KDM6A: variants seen among roughly 807,000 people sequenced by gnomAD.
KDM6A encodes lysine-specific demethylase 6A.
A neutral mutation model predicts 117.6 loss-of-function variants in KDM6A; 11 were observed. That is an observed-to-expected ratio of 0.09 (90% confidence interval 0.06 to 0.15). The LOEUF is 0.15. Ranked by LOEUF, KDM6A falls within the 10% of genes least tolerant of loss-of-function variation. The probability of loss-of-function intolerance (pLI) is 1.00; values close to 1 mark genes in which losing one functional copy is unlikely to be tolerated. For synonymous variants in KDM6A, 384 were observed against 396.1 expected, an observed-to-expected ratio of 0.97 and a Z score of 0.36; for missense variants, 799 against 1,077.3, an observed-to-expected ratio of 0.74 and a Z score of 3.62.
intron 2 of KDM6A, among the ~76,000 whole-genome samples, chrX:44,955,358 C>T (rs1371844088): frequency 9.0e-6 from 1 of 110,945 alleles, no homozygotes; most frequent in East Asian, 2.8e-4. Context: ...ATAAAGGAGA[C>T]AGGAACCAGT....
At chrX:45,057,055 T>A (rs2044102813) in intron 10 of KDM6A, among the ~76,000 whole-genome samples, 1 of 111,549 alleles carries the variant, frequency 9.0e-6, no homozygotes, top group Admixed American at 9.6e-5. Context: ...GGACATTTCT[T>A]ACATCTTTCA....
chrX:45,037,534 ATTAC>A (rs1489007868), intron 7 of KDM6A, 117 bp from the exon 8 acceptor site: 3 of 517,992 alleles, frequency 5.8e-6, no homozygotes, highest in East Asian at 3.5e-5. Flanking sequence ...ATGTTTTTCT[ATTAC>A]TTAAATCTAT....
chrX:45,014,740 G>A (rs1438127235), intron 5 of KDM6A, among the ~76,000 whole-genome samples: 1 of 111,973 alleles, frequency 8.9e-6, no homozygotes, highest in Non-Finnish European at 1.9e-5. Context: ...GATAAAGTCA[G>A]TACAATAGAA....
chrX:44,998,070 G>A (rs773264180), intron 4 of KDM6A, among the ~76,000 whole-genome samples: 31 of 111,717 alleles, frequency 2.8e-4, no homozygotes, highest in Non-Finnish European at 2.3e-4. Flanking sequence ...GAAAGTGCAT[G>A]TTTTGCACTT....
intron 4 of KDM6A, among the ~76,000 whole-genome samples, chrX:44,984,888 A>G (rs372786776): frequency 9.5e-4 from 106 of 111,385 alleles, no homozygotes; most frequent in African/African-American, 3.0e-3. Context: ...TTGACTTGGC[A>G]ACGCGGGCTC....
At chrX:45,081,380 T>C (rs1033200239) in intron 21 of KDM6A, among the ~76,000 whole-genome samples, 4 of 112,186 alleles carry the variant, frequency 3.6e-5, no homozygotes, top group African/African-American at 1.3e-4. Flanking sequence ...TTAACAGATA[T>C]CATGTCTGTG....
chrX:44,874,133 C>A (rs2031202133), intron 2 of KDM6A, 146 bp downstream of exon 2: 2 of 530,396 alleles, frequency 3.8e-6, no homozygotes, highest in Admixed American at 3.0e-5. Context: ...CTCTGCTCTC[C>A]CCCCACCCCC....
chrX:45,111,132 A>G (rs2046751627), intron 29 of KDM6A, among the ~76,000 whole-genome samples: 1 of 111,476 alleles, frequency 9.0e-6, no homozygotes, highest in Non-Finnish European at 1.9e-5. Flanking sequence ...TAACATTCCA[A>G]GAGTTTTTGA....
chrX:44,911,450 C>T (rs2035152770), intron 2 of KDM6A, among the ~76,000 whole-genome samples: 1 of 110,317 alleles, frequency 9.1e-6, no homozygotes, highest in South Asian at 3.9e-4. Flanking sequence ...CAGAGACGCT[C>T]CCCACATCTC....
chrX:44,998,350 A>G (rs2040966403), intron 4 of KDM6A, among the ~76,000 whole-genome samples: 1 of 111,651 alleles, frequency 9.0e-6, no homozygotes, highest in South Asian at 3.7e-4. Context: ...GAAAAGTAGG[A>G]CTACTGTTTG....
At chrX:44,922,243 C>T (rs1406304094) in intron 2 of KDM6A, among the ~76,000 whole-genome samples, 2 of 104,873 alleles carry the variant, frequency 1.9e-5, no homozygotes, top group African/African-American at 3.5e-5. Flanking sequence ...GGGGTTTCGC[C>T]GTGTTGCCCA....
chrX:44,919,944 G>T (rs1486398731), intron 2 of KDM6A, among the ~76,000 whole-genome samples: 1 of 111,947 alleles, frequency 8.9e-6, no homozygotes, highest in Non-Finnish European at 1.9e-5. Flanking sequence ...TGACTGGTGG[G>T]TTTTTTAGCA....
intron 18 of KDM6A, among the ~76,000 whole-genome samples, chrX:45,071,851 G>A (rs760068637): frequency 1.1e-4 from 12 of 110,277 alleles, no homozygotes; most frequent in Admixed American, 8.7e-4. Context: ...CTTACCGCAC[G>A]CTCTGCCTCC....
chrX:44,873,970 A>G lies in KDM6A; in HGVS notation c.208A>G (p.Lys70Glu). ...ATTTCATGAAGATGGCGCCAGGACG[A>G]AGGCCCTACTGGGCAAGGTAAGGCA... ...VRFHEDGART[K>E]ALLGKAVRCY... is the part of the protein sequence containing the mutation. Residue 70 changes from lysine to glutamate, a missense_variant, in exon 2 of 30, where the codon AAG becomes GAG. Lys to Glu is a moderately conservative substitution (Grantham distance 56). Around this residue, in one of 8 missense-constraint regions of KDM6A, gnomAD observed 89 missense variants for 117.8 expected, o/e 0.76. Coordinates refer to ENST00000611820, the MANE Select transcript of KDM6A (RefSeq NM_001291415.2). 1 of 1,211,119 alleles carries G rather than the reference A, an allele frequency of 8.3e-7. No individual in the cohort carries two copies. The highest frequency in any genetic ancestry group is 1.1e-6 in the Non-Finnish European group (1 of 894,720).
At chrX:45,000,155 G>C (rs1215017745) in intron 4 of KDM6A, among the ~76,000 whole-genome samples, 1 of 112,060 alleles carries the variant, frequency 8.9e-6, no homozygotes, top group African/African-American at 3.3e-5. Flanking sequence ...CTGGCTAGTT[G>C]CCCCTAGTTG....
intron 27 of KDM6A, among the ~76,000 whole-genome samples, chrX:45,096,941 G>A (rs753164284): frequency 3.1e-4 from 35 of 111,851 alleles, no homozygotes; most frequent in African/African-American, 1.1e-3. Context: ...ATTCACAATA[G>A]CAAAGACATG....
intron 2 of KDM6A, among the ~76,000 whole-genome samples, chrX:44,953,948 T>G (rs2038168655): frequency 9.1e-6 from 1 of 109,549 alleles, no homozygotes; most frequent in African/African-American, 3.3e-5. Context: ...TCCCAGCCAC[T>G]TGAGGGGGTT....
At chrX:44,900,957 A>G (rs1304285608) in intron 2 of KDM6A, among the ~76,000 whole-genome samples, 1 of 112,555 alleles carries the variant, frequency 8.9e-6, no homozygotes, top group African/African-American at 3.2e-5. Flanking sequence ...TCTTTGATCC[A>G]TTAGTTATTT....
chrX:45,074,015 GT>G (rs1015927200), intron 18 of KDM6A, among the ~76,000 whole-genome samples: 1 of 111,945 alleles, frequency 8.9e-6, no homozygotes, highest in African/African-American at 3.2e-5. Flanking sequence ...TAGGTCTAAC[GT>G]TTAAGTCTTT....
Sources: allele counts gnomAD v4.1 joint callset (sites outside exome capture counted in the v4.1 genomes callset), GRCh38; gene constraint gnomAD v4.1.1; regional missense constraint gnomAD v4.1.1; transcripts MANE v1.5; gene names NCBI Gene and HGNC (gene_info 2026-07-23, HGNC 2026-07-21).